Variants in ZBTB47 observed in about 807,000 individuals in gnomAD.
ZBTB47 encodes the protein zinc finger and BTB domain containing 47, also known as zinc finger and BTB domain-containing protein 47.
In ZBTB47, 24 loss-of-function variants were observed where a neutral mutation model predicts 56.6. The ratio of observed to expected loss-of-function variants is 0.42; its 90% confidence interval spans 0.31 to 0.60. The LOEUF is 0.60. ZBTB47 is among the 20% of genes least tolerant of loss of function. ZBTB47 has a pLI of 0.14. For synonymous variants in ZBTB47, 414 were observed against 418.9 expected, an observed-to-expected ratio of 0.99 and a Z score of 0.14; for missense variants, 829 against 1,032.6, an observed-to-expected ratio of 0.80 and a Z score of 2.70.
chr3:42,662,992 C>T lies in ZBTB47; in HGVS notation c.1622-20C>T. 2 of 1,589,224 alleles carry T rather than the reference C, an allele frequency of 1.3e-6. No homozygotes were observed. Among genetic ancestry groups the T allele is most frequent in the South Asian group, 2.2e-5 (2 of 90,626 alleles). ...TGGGCAGGCCCGTAAAACATGATGG[C>T]CCTGGTGCCCACCTCGTAGCCCACA... is the stretch of plus-strand genomic sequence containing the variant. On this transcript the variant is annotated intron_variant, in intron 3 of 5. Transcript: ENST00000232974.
At position 42,653,775 on chromosome 3, in the gene ZBTB47, T is replaced by C; in HGVS notation, c.-190T>C. ...CTGGTCCCTACTCCTCTGGTCCCTC[T>C]GTCTCCTGGCCCTGGGCCAGTCACC... On this transcript the variant is annotated 5_prime_UTR_variant, in exon 1 of 6. Transcript: ENST00000232974. 6.5e-6 allele frequency: 1 copy of C among 152,732 alleles called. No homozygotes were observed. The highest frequency in any genetic ancestry group is 1.5e-5 in the Non-Finnish European group (1 of 68,350). The allele number at this position is 152,732 out of a possible 1,614,324, so 9.5% of individuals were successfully genotyped here. A position where few individuals can be genotyped will look rare whatever the true frequency, so the allele number is the denominator to read the frequency against.
rs1051156651 is a variant in ZBTB47, at chr3:42,666,628, C to G, written c.*2030C>G. The stretch of plus-strand genomic sequence containing the variant: ...CACTGGCACCAGGATCTCCCACAGG[C>G]ACTGGTGGTGTCATCACCTGCTGGC... On this transcript the variant is annotated 3_prime_UTR_variant, in exon 6 of 6. Transcript: ENST00000232974. 1.3e-4 allele frequency among the ~76,000 whole-genome samples: 20 copies of G among 152,214 alleles called. No individual in the cohort carries two copies. Among genetic ancestry groups the G allele is most frequent in the Admixed American group, 4.6e-4 (7 of 15,286 alleles).
In ZBTB47 at chr3:42,665,662, C is replaced by G. The variant is rs1338799974; in HGVS notation, c.*1064C>G. 6.5e-6 allele frequency: 1 copy of G among 152,978 alleles called. No individual in the cohort carries two copies. Among genetic ancestry groups the G allele is most frequent in the South Asian group, 2.1e-4 (1 of 4,840 alleles). The allele number at this position is 152,978 out of a possible 1,614,324, so 9.5% of individuals were successfully genotyped here. On this transcript the variant is annotated 3_prime_UTR_variant, in exon 6 of 6. Transcript: ENST00000232974. Reference sequence around the variant, plus strand: ...CCCTCTAGGTCCTGCCACAACCTGTCCCTGGCTGGCTCCAGCGTCCTCGTC... The same window carrying G: ...CCCTCTAGGTCCTGCCACAACCTGTGCCTGGCTGGCTCCAGCGTCCTCGTC...
At position 42,659,811 on chromosome 3, in the gene ZBTB47, T is replaced by G; in HGVS notation, c.1456T>G (p.Cys486Gly). Reference protein sequence around the residue: ...SELLLHRQTDCERNIQCVTCG... With the variant: ...SELLLHRQTDGERNIQCVTCG... Reference sequence around the variant, plus strand: ...GCTGCTGCTGCACAGGCAGACAGACTGCGAGCGCAACATCCAGGTGGGCCT... The same window carrying G: ...GCTGCTGCTGCACAGGCAGACAGACGGCGAGCGCAACATCCAGGTGGGCCT... The change falls in exon 2 of 6, where the codon TGC (cysteine) becomes GGC (glycine). Residue 486 changes from cysteine to glycine, a missense_variant. Transcript: ENST00000232974. 6.2e-7 allele frequency: 1 copy of G among 1,607,536 alleles called. No homozygotes were observed. The highest frequency in any genetic ancestry group is 8.5e-7 in the Non-Finnish European group (1 of 1,175,792).
chr3:42,657,286 G>C (rs1239985850), intron 1 of ZBTB47, among the ~76,000 whole-genome samples: 2 of 152,252 alleles, frequency 1.3e-5, no homozygotes, highest in African/African-American at 4.8e-5. Context: ...GGAAGCCCCA[G>C]ATGGTGTGGC....
chr3:42,659,628 G>A lies in ZBTB47; in HGVS notation c.1273G>A (p.Gly425Arg). ...AGGGCCGCCAGCCACTGATGGGCTG[G>A]GGGCCAAGGTGAAGCTGGAGGAGAA... ...ARGPPATDGL[G>R]AKVKLEEKQH... The change falls in exon 2 of 6, where the codon GGG becomes AGG. Residue 425 changes from glycine to arginine, a missense_variant. Around this residue, in one of 6 missense-constraint regions of ZBTB47, gnomAD observed 187 missense variants for 253.1 expected, o/e 0.74. Coordinates refer to ENST00000232974, the MANE Select transcript of ZBTB47 (RefSeq NM_145166.4). The A allele has an allele frequency of 6.2e-7, 1 of 1,611,246 alleles. No individual in the cohort carries two copies.
In ZBTB47 at chr3:42,654,074, A is replaced by G. The variant is rs1042052295; in HGVS notation, c.-82+191A>G. 1 of 152,242 alleles carries G rather than the reference A, an allele frequency of 6.6e-6. No individual in the cohort carries two copies. The highest frequency in any genetic ancestry group is 1.5e-5 in the Non-Finnish European group (1 of 68,220). 9.4% of individuals were successfully genotyped at this position (152,242 alleles called of 1,614,324 possible). ...GCGGGGTTCAGTCCCTCAGCGTGGG[A>G]TCCCTCAGGGGAGCGGGTGGAAGCC... On this transcript the variant is annotated intron_variant, in intron 1 of 5. Transcript: ENST00000232974. The surrounding 1 kb of genome is among the most constrained non-coding windows in gnomAD (Gnocchi z 5.0).
At chr3:42,660,438 G>A (rs186848657) in intron 2 of ZBTB47, among the ~76,000 whole-genome samples, 2 of 152,196 alleles carry the variant, frequency 1.3e-5, no homozygotes, top group Admixed American at 6.5e-5. Context: ...AAGGGATTGG[G>A]TGAGAAATTT....
rs577753630 is a variant in ZBTB47, at chr3:42,666,638, G to A, written c.*2040G>A. ...AGGATCTCCCACAGGCACTGGTGGTGTCATCACCTGCTGGCCCCACTACAG... is the reference window on the plus strand; with the variant it reads ...AGGATCTCCCACAGGCACTGGTGGTATCATCACCTGCTGGCCCCACTACAG... On this transcript the variant is annotated 3_prime_UTR_variant, in exon 6 of 6. Transcript: ENST00000232974. Among the ~76,000 whole-genome samples, 17 of 152,198 alleles carry A rather than the reference G, an allele frequency of 1.1e-4. No individual in the cohort carries two copies. Among genetic ancestry groups the A allele is most frequent in the African/African-American group, 4.1e-4 (17 of 41,458 alleles).
Position 42,658,434 on chromosome 3 carries a change from G to A in ZBTB47, c.79G>A (p.Val27Ile), listed in dbSNP as rs770284677. 40 of 1,536,916 alleles carry A rather than the reference G, an allele frequency of 2.6e-5. No individual in the cohort carries two copies. The highest frequency in any genetic ancestry group is 9.8e-5 in the Admixed American group (5 of 50,986). The change falls in exon 2 of 6, where the codon GTC becomes ATC. Residue 27 changes from valine to isoleucine, a missense_variant. This residue lies in a region of ZBTB47 where 120 missense variants were observed against 200.2 expected (regional missense o/e 0.60). Coordinates refer to ENST00000232974, the MANE Select transcript of ZBTB47 (RefSeq NM_145166.4). Reference protein sequence around the residue: ...VDLVLVPQRSVFPAHKGVLAA... With the variant: ...VDLVLVPQRSIFPAHKGVLAA... Reference sequence around the variant, plus strand: ...CTTGGTGCTGGTGCCCCAGCGCAGCGTCTTTCCGGCACACAAGGGTGTGCT... The same window carrying A: ...CTTGGTGCTGGTGCCCCAGCGCAGCATCTTTCCGGCACACAAGGGTGTGCT...
chr3:42,661,527 C>T lies in ZBTB47; in HGVS notation c.1516C>T (p.His506Tyr). ...GKAFKKLWSL[H>Y]EHNKIVHGYA... The stretch of plus-strand genomic sequence containing the variant: ...AGCTTTCAAGAAGCTTTGGTCCCTC[C>T]ATGAGCATAACAAGATTGTGCACGG... The change falls in exon 3 of 6, where the codon CAT (histidine) becomes TAT (tyrosine). Residue 506 changes from histidine to tyrosine, a missense_variant. This residue lies in a region of ZBTB47 where 187 missense variants were observed against 253.1 expected (regional missense o/e 0.74). Transcript: ENST00000232974. 6.2e-7 allele frequency: 1 copy of T among 1,614,064 alleles called. No individual in the cohort carries two copies. The highest frequency in any genetic ancestry group is 8.5e-7 in the Non-Finnish European group (1 of 1,179,896).
chr3:42,664,124 C>T, intron 5 of ZBTB47, 113 bp from the exon 6 acceptor site: 2 of 1,493,984 alleles, frequency 1.3e-6, no homozygotes, highest in East Asian at 2.4e-5. Flanking sequence ...CGGGGAGGAT[C>T]TGAGAGCGCC....
rs779120864 is a variant in ZBTB47, at chr3:42,659,586, G to T, written c.1231G>T (p.Ala411Ser). The T allele has an allele frequency of 6.2e-7, 1 of 1,602,478 alleles. No homozygotes were observed. The highest frequency in any genetic ancestry group is 8.5e-7 in the Non-Finnish European group (1 of 1,174,680). The change falls in exon 2 of 6, where the codon GCC becomes TCC. Residue 411 changes from alanine to serine, a missense_variant. By Grantham distance (99) the Ala-to-Ser change is moderately conservative. This residue lies in a region of ZBTB47 where 187 missense variants were observed against 253.1 expected (regional missense o/e 0.74). Transcript: ENST00000232974. ...GKRPKPPPGV[A>S]SASARGPPAT... Reference sequence around the variant, plus strand: ...GAGGCCAAAGCCACCCCCTGGAGTGGCCTCTGCATCGGCCCGAGGGCCGCC... The same window carrying T: ...GAGGCCAAAGCCACCCCCTGGAGTGTCCTCTGCATCGGCCCGAGGGCCGCC...
intron 3 of ZBTB47, 82 bp from the exon 4 acceptor site, chr3:42,662,930 C>T (rs1435895121): frequency 2.0e-6 from 2 of 975,874 alleles, no homozygotes. Context: ...ACAGGGCTGC[C>T]CCAGGAGGCA....
chr3:42,658,604 G>T lies in ZBTB47; in HGVS notation c.249G>T (p.Ala83=). The T allele has an allele frequency of 6.5e-7, 1 of 1,537,042 alleles. No homozygotes were observed. Among genetic ancestry groups the T allele is most frequent in the African/African-American group, 1.4e-5 (1 of 73,184 alleles). ...FIYTSKLLVN[A]ANVHEVLSAA... Reference sequence around the variant, plus strand: ...ATACGTCCAAGCTGCTGGTCAACGCGGCCAACGTCCACGAGGTGCTCAGCG... The same window carrying T: ...ATACGTCCAAGCTGCTGGTCAACGCTGCCAACGTCCACGAGGTGCTCAGCG... Residue 83 remains alanine (A), a synonymous_variant, in exon 2 of 6, where the codon GCG becomes GCT. Transcript: ENST00000232974.
In ZBTB47 at chr3:42,658,711, C is replaced by A. The variant is rs548527268; in HGVS notation, c.356C>A (p.Pro119Gln). ...GCCCGCTCTCTAGGCCCACCAGGTC[C>A]GGGCACTGTGGCCCTGGCCCAGCCG... The part of the protein sequence containing the change: ...LDARSLGPPG[P>Q]GTVALAQPAA... Residue 119 changes from proline to glutamine, a missense_variant, in exon 2 of 6, where the codon CCG becomes CAG. Pro to Gln is a moderately conservative substitution (Grantham distance 76, BLOSUM62 -1). Coordinates refer to ENST00000232974, the MANE Select transcript of ZBTB47 (RefSeq NM_145166.4). The A allele has an allele frequency of 2.0e-6, 3 of 1,535,354 alleles. No homozygotes were observed. Among genetic ancestry groups the A allele is most frequent in the Middle Eastern group, 1.7e-4 (1 of 5,984 alleles).
Position 42,664,672 on chromosome 3 carries a change from C to T in ZBTB47, c.*74C>T, listed in dbSNP as rs914664287. The T allele has an allele frequency of 2.2e-6, 3 of 1,353,228 alleles. No homozygotes were observed. Among genetic ancestry groups the T allele is most frequent in the African/African-American group, 3.1e-5 (2 of 64,638 alleles). The allele number at this position is 1,353,228 out of a possible 1,614,324, so 83.8% of individuals were successfully genotyped here. Reference sequence around the variant, plus strand: ...CTCCAGGAGGGACCCACTGCCTTCCCGGGGAGCACAGTAGTGCGGGCCTGG... The same window carrying T: ...CTCCAGGAGGGACCCACTGCCTTCCTGGGGAGCACAGTAGTGCGGGCCTGG... On this transcript the variant is annotated 3_prime_UTR_variant, in exon 6 of 6. Transcript: ENST00000232974.
At chr3:42,657,138 C>T (rs1710648329) in intron 1 of ZBTB47, among the ~76,000 whole-genome samples, 1 of 152,206 alleles carries the variant, frequency 6.6e-6, no homozygotes, top group Admixed American at 6.5e-5. Flanking sequence ...CTGTGCTGCC[C>T]ACCTTTTGGG....
chr3:42,663,247 G>C lies in ZBTB47; in HGVS notation c.1737+120G>C. On this transcript the variant is annotated intron_variant, in intron 4 of 5. Coordinates refer to ENST00000232974, the MANE Select transcript of ZBTB47 (RefSeq NM_145166.4). The surrounding 1 kb of genome is among the most constrained non-coding windows in gnomAD (Gnocchi z 5.1). ...GTGGAATGTAGTGTCCAGAAAGAGA[G>C]AGCCCTGCCCTCTGAGGTCTGCAGC... 2.7e-6 allele frequency: 2 copies of C among 742,748 alleles called. No homozygotes were observed. Among genetic ancestry groups the C allele is most frequent in the Non-Finnish European group, 2.3e-6 (1 of 434,238 alleles). 46.0% of individuals were successfully genotyped at this position (742,748 alleles called of 1,614,324 possible).
Sources: allele counts gnomAD v4.1 joint callset (sites outside exome capture counted in the v4.1 genomes callset), GRCh38; gene constraint gnomAD v4.1.1; regional missense constraint gnomAD v4.1.1; non-coding constraint Gnocchi (gnomAD v3.1); transcripts MANE v1.5; gene names NCBI Gene and HGNC (gene_info 2026-07-23, HGNC 2026-07-21).